Variants in CRIM1 observed in about 807,000 individuals in gnomAD.
The protein encoded by CRIM1 is cysteine rich transmembrane BMP regulator 1.
Under a neutral mutation model 116.4 loss-of-function variants are expected in CRIM1, and 32 were observed. The ratio of observed to expected loss-of-function variants is 0.27; its 90% CI spans 0.21 to 0.37. The LOEUF (loss-of-function observed/expected upper bound fraction) is 0.37, where lower values mean the gene tolerates loss of function less well. Ranked by LOEUF, CRIM1 falls within the 10% of genes least tolerant of loss-of-function variation. The pLI is 1.00. For missense variants in CRIM1, 1,331 were observed against 1,354.8 expected, an observed-to-expected ratio of 0.98 and a Z score of 0.28; for synonymous variants, 590 against 509.2, an observed-to-expected ratio of 1.16 and a Z score of -2.13.
chr2:36,515,317 A>G (rs1453418360), intron 11 of CRIM1, among the ~76,000 whole-genome samples: 1 of 152,242 alleles, frequency 6.6e-6, no homozygotes, highest in Non-Finnish European at 1.5e-5. Context: ...TTACAGAGTC[A>G]TGGAAAGTTC....
intron 4 of CRIM1, among the ~76,000 whole-genome samples, chr2:36,448,429 TC>T (rs1347969981): frequency 6.6e-6 from 1 of 152,230 alleles, no homozygotes; most frequent in Non-Finnish European, 1.5e-5. Context: ...TCTCTGCACT[TC>T]CTACTCCTTG....
chr2:36,546,762 GATTT>G (rs1667365937), intron 15 of CRIM1, among the ~76,000 whole-genome samples: 2 of 109,506 alleles, frequency 1.8e-5, no homozygotes, highest in African/African-American at 3.6e-5. Context: ...TTCTCACTCT[GATTT>G]TTTTTTTTTT....
chr2:36,357,119 G>A (rs757576602), intron 1 of CRIM1, among the ~76,000 whole-genome samples: 4 of 152,214 alleles, frequency 2.6e-5, no homozygotes, highest in Non-Finnish European at 5.9e-5. Context: ...CACTCCCCGA[G>A]TGACTCTTAT....
rs922520777 is a variant in CRIM1 at position 36,441,313 on chromosome 2, T to C, written c.561T>C (p.Cys187=). 9 of 1,614,086 alleles carry C rather than the reference T, an allele frequency of 5.6e-6. No individual in the cohort carries two copies. Among genetic ancestry groups the C allele is most frequent in the Non-Finnish European group, 6.8e-6 (8 of 1,180,050 alleles). Residue 187 remains cysteine (C), a synonymous_variant, in exon 3 of 17, where the codon TGT becomes TGC. Transcript: ENST00000280527. ...ARCEVQFSPR[C]PEDSVLIEGY... ...GTGAAGTCCAGTTCTCTCCACGTTG[T>C]CCTGAAGATTCTGTTCTGATCGAGG...
intron 1 of CRIM1, among the ~76,000 whole-genome samples, chr2:36,395,583 C>T (rs894214545): frequency 1.3e-5 from 2 of 152,148 alleles, no homozygotes; most frequent in African/African-American, 4.8e-5. Context: ...ATGATTCTGT[C>T]ATATTCATTG....
At chr2:36,503,627 A>T (rs561422081) in intron 8 of CRIM1, among the ~76,000 whole-genome samples, 12 of 145,720 alleles carry the variant, frequency 8.2e-5, no homozygotes, top group Non-Finnish European at 1.8e-4. Context: ...TTACTTTTTC[A>T]TTTCATTGTA....
intron 1 of CRIM1, among the ~76,000 whole-genome samples, chr2:36,368,316 G>A (rs1044093062): frequency 6.6e-6 from 1 of 152,208 alleles, no homozygotes; most frequent in Non-Finnish European, 1.5e-5. Flanking sequence ...CTGAGCCACT[G>A]ACCAGGAAGC....
At chr2:36,426,642 G>C (rs1219512977) in intron 2 of CRIM1, among the ~76,000 whole-genome samples, 1 of 152,054 alleles carries the variant, frequency 6.6e-6, no homozygotes, top group African/African-American at 2.4e-5. Context: ...TTAATCTGTT[G>C]TTAAAAATTA....
At chr2:36,501,429 C>T (rs989900917) in intron 8 of CRIM1, among the ~76,000 whole-genome samples, 3 of 152,276 alleles carry the variant, frequency 2.0e-5, no homozygotes, top group East Asian at 1.9e-4. Flanking sequence ...GTTTATAAAA[C>T]GCCTGTTGGC....
At chr2:36,410,697 A>G (rs866376074) in intron 2 of CRIM1, among the ~76,000 whole-genome samples, 7 of 152,244 alleles carry the variant, frequency 4.6e-5, no homozygotes, top group African/African-American at 1.2e-4. Flanking sequence ...TTATGTATCT[A>G]TATTCTATTA....
chr2:36,545,242 T>C (rs908073964), intron 15 of CRIM1, among the ~76,000 whole-genome samples: 1 of 152,344 alleles, frequency 6.6e-6, no homozygotes, highest in East Asian at 1.9e-4. Flanking sequence ...AATTGTCTGT[T>C]ACTCTAGATA....
chr2:36,375,715 A>C (rs1386064355), intron 1 of CRIM1, among the ~76,000 whole-genome samples: 1 of 152,222 alleles, frequency 6.6e-6, no homozygotes, highest in Non-Finnish European at 1.5e-5. Context: ...GTATGTGGCT[A>C]AGTGATTAAT....
chr2:36,379,450 A>T (rs1313097979), intron 1 of CRIM1, among the ~76,000 whole-genome samples: 1 of 152,162 alleles, frequency 6.6e-6, no homozygotes, highest in Non-Finnish European at 1.5e-5. Context: ...GTAGTTCCAC[A>T]CTCTGCTGGG....
rs1047320441 is a variant in CRIM1, at chr2:36,442,623, G to A, written c.757G>A (p.Val253Met). 39 of 1,613,954 alleles carry A rather than the reference G, an allele frequency of 2.4e-5. No individual in the cohort carries two copies. Among genetic ancestry groups the A allele is most frequent in the Middle Eastern group, 1.6e-4 (1 of 6,080 alleles). ...CTGTTTGCCCCTTTCAGTTTTCGGC[G>A]TGGACTGCAGGACTGTGGAATGCCC... Reference protein sequence around the residue: ...DLYECKPVFGVDCRTVECPPV... With the variant: ...DLYECKPVFGMDCRTVECPPV... Residue 253 changes from valine to methionine, a missense_variant, in exon 4 of 17, where the codon GTG becomes ATG. Val to Met is a conservative substitution (Grantham distance 21, BLOSUM62 1). Coordinates refer to ENST00000280527, the MANE Select transcript of CRIM1 (RefSeq NM_016441.3).
At chr2:36,463,676 CA>C (rs943986632) in intron 4 of CRIM1, among the ~76,000 whole-genome samples, 1 of 152,130 alleles carries the variant, frequency 6.6e-6, no homozygotes, top group Non-Finnish European at 1.5e-5. Context: ...GTAGCAGATG[CA>C]ACATTTTGTC....
At chr2:36,421,042 C>T (rs1176841561) in intron 2 of CRIM1, among the ~76,000 whole-genome samples, 1 of 152,186 alleles carries the variant, frequency 6.6e-6, no homozygotes, top group Non-Finnish European at 1.5e-5. Context: ...AATTTTATTG[C>T]AGTAGCATTG....
chr2:36,369,943 T>C (rs1669841940), intron 1 of CRIM1, among the ~76,000 whole-genome samples: 1 of 152,208 alleles, frequency 6.6e-6, no homozygotes, highest in Non-Finnish European at 1.5e-5. Context: ...AAGAATACCG[T>C]GCATTGTATT....
Position 36,361,645 on chromosome 2 carries a change from T to A in CRIM1, c.331+5022T>A, listed in dbSNP as rs751231822. Among the ~76,000 whole-genome samples the A allele has an allele frequency of 3.9e-5, 6 of 152,174 alleles. No homozygotes were observed. In the South Asian group the frequency reaches 1.2e-3, roughly 31 times the overall value. On this transcript the variant is annotated intron_variant, in intron 1 of 16. Coordinates refer to ENST00000280527, the MANE Select transcript of CRIM1 (RefSeq NM_016441.3). ...ATAATCCAAAACACATTCCAGACATTAATTGTGAAATTCCTGAAAAATGTG... is the reference window on the plus strand; with the variant it reads ...ATAATCCAAAACACATTCCAGACATAAATTGTGAAATTCCTGAAAAATGTG...
chr2:36,465,841 G>A (rs1201216097), intron 5 of CRIM1, among the ~76,000 whole-genome samples: 1 of 151,812 alleles, frequency 6.6e-6, no homozygotes, highest in Non-Finnish European at 1.5e-5. Context: ...AGGTATTATA[G>A]GTGAACTACC....
Sources: allele counts gnomAD v4.1 joint callset (sites outside exome capture counted in the v4.1 genomes callset), GRCh38; gene constraint gnomAD v4.1.1; transcripts MANE v1.5; gene names NCBI Gene and HGNC (gene_info 2026-07-23, HGNC 2026-07-21).